Variants in BCAN observed in about 807,000 individuals in gnomAD.
BCAN encodes the protein brevican core protein.
In BCAN, 51 loss-of-function variants were observed where a neutral mutation model predicts 92.4. The ratio of observed to expected loss-of-function variants is 0.55; its 90% CI spans 0.44 to 0.70. BCAN has a LOEUF of 0.70. Among genes scored for constraint, BCAN ranks in the 30% least tolerant of loss-of-function variants. BCAN has a pLI of 0.00. For missense variants in BCAN, 1,140 were observed against 1,212.1 expected (o/e 0.94, Z 0.88); for synonymous variants, 501 against 505.2 (o/e 0.99, Z 0.11).
intron 1 of BCAN, chr1:156,643,682 C>T (rs561389947): frequency 7.8e-6 from 1 of 128,990 alleles, no homozygotes; most frequent in Non-Finnish European, 1.8e-5. Context: ...GGTCTTAACT[C>T]TCTGGGTTGG....
chr1:156,646,193 A>G (rs371052331), intron 2 of BCAN, 48 bp downstream of exon 2: 2 of 1,561,630 alleles, frequency 1.3e-6, no homozygotes, highest in Middle Eastern at 1.7e-4. Flanking sequence ...TTCAGCCCTA[A>G]CCAACTGCTT....
At chr1:156,654,926 A>G (rs1446104536) in intron 8 of BCAN, among the ~76,000 whole-genome samples, 1 of 152,244 alleles carries the variant, frequency 6.6e-6, no homozygotes, top group Non-Finnish European at 1.5e-5. Flanking sequence ...CAAAACAGCT[A>G]GGTCATCCCA....
intron 8 of BCAN, chr1:156,653,174 T>C (rs1238664256): frequency 7.2e-6 from 10 of 1,385,096 alleles, no homozygotes; most frequent in Non-Finnish European, 9.3e-6. Flanking sequence ...GGCTCACATC[T>C]CGCCAGCCCC....
chr1:156,656,490 T>G (rs371049026), intron 9 of BCAN, 101 bp downstream of exon 9: 2 of 928,808 alleles, frequency 2.2e-6, no homozygotes, highest in Non-Finnish European at 3.0e-6. Context: ...GCCTTGTCAT[T>G]AATGAGTCCC....
intron 2 of BCAN, chr1:156,646,463 T>C: frequency 2.0e-6 from 1 of 490,938 alleles, no homozygotes; most frequent in Non-Finnish European, 3.6e-6. Flanking sequence ...ACTGGGAAAC[T>C]GGGCTGGAGG....
rs748649009 is a variant in BCAN at position 156,647,833 on chromosome 1, C to G, written c.642-150C>G. 2 of 1,532,120 alleles carry G rather than the reference C, an allele frequency of 1.3e-6. No individual in the cohort carries two copies. Among genetic ancestry groups the G allele is most frequent in the East Asian group, 2.3e-5 (1 of 44,292 alleles). The allele number at this position is 1,532,120 out of a possible 1,614,324, so 94.9% of individuals were successfully genotyped here. On this transcript the variant is annotated intron_variant, in intron 4 of 13. Coordinates refer to ENST00000329117, the MANE Select transcript of BCAN (RefSeq NM_021948.5). This position sits in a 1 kb window ranked among gnomAD's most constrained non-coding sequence, Gnocchi z 4.8. ...TGGTCTGAGGAGGGGAGGTGAGGAC[C>G]CTGAGCATGTGCATCCCTGCAGTGC...
In BCAN at chr1:156,646,037, C is replaced by T. The variant is rs764133638; in HGVS notation, c.-8-10C>T. ...TAACCCCATCTTTCCTTCTCATGTC[C>T]CTCTGTCAGCCTGCAGCATGGCCCA... is the stretch of plus-strand genomic sequence containing the variant. On this transcript the variant is annotated splice_polypyrimidine_tract_variant and intron_variant, in intron 1 of 13. Coordinates refer to ENST00000329117, the MANE Select transcript of BCAN (RefSeq NM_021948.5). 1.9e-6 allele frequency: 3 copies of T among 1,604,450 alleles called. No homozygotes were observed. The highest frequency in any genetic ancestry group is 1.1e-5 in the South Asian group (1 of 90,680).
In BCAN at chr1:156,656,960, C is replaced by T; in HGVS notation, c.2073C>T (p.Gly691=). The T allele has an allele frequency of 6.2e-7, 1 of 1,614,018 alleles. No homozygotes were observed. Residue 691 remains glycine (G), a synonymous_variant, in exon 10 of 14, where the codon GGC becomes GGT. Transcript: ENST00000329117. ...CAGGCCTCCGCTTCTGCAACCCCGG[C>T]TGGGACGCCTTCCAGGGCGCCTGCT... ...CDVGLRFCNP[G]WDAFQGACYK...
At position 156,647,420 on chromosome 1, in the gene BCAN, C is replaced by T. The variant is rs756059041; in HGVS notation, c.467-88C>T. ...GTGAGCACAATTGAACTTTATTTAC[C>T]CTTGTGTACAGAGGAGTGACAAGGA... On this transcript the variant is annotated intron_variant, in intron 3 of 13. Transcript: ENST00000329117. This position sits in a 1 kb window ranked among gnomAD's most constrained non-coding sequence, Gnocchi z 4.8. The T allele has an allele frequency of 1.5e-5, 20 of 1,354,322 alleles. No homozygotes were observed. The highest frequency in any genetic ancestry group is 4.7e-5 in the Admixed American group (2 of 42,232). 83.9% of individuals were successfully genotyped at this position (1,354,322 alleles called of 1,614,324 possible).
rs1388253172 is a variant in BCAN, at chr1:156,651,404, G to A, written c.1064-52G>A. On this transcript the variant is annotated intron_variant, in intron 6 of 13. Coordinates refer to ENST00000329117, the MANE Select transcript of BCAN (RefSeq NM_021948.5). ...TTCCATGGTGCAAGCTGTGACCTGG[G>A]AGGGCAGAGCTACCTATTCAGGCTC... 2.3e-5 allele frequency: 34 copies of A among 1,468,502 alleles called. 1 individual carries two copies. The Middle Eastern group carries it at 2.6e-3, about 114-fold the overall frequency. The allele number at this position is 1,468,502 out of a possible 1,614,324, so 91.0% of individuals were successfully genotyped here. A position where few individuals can be genotyped will look rare whatever the true frequency, so the allele number is the denominator to read the frequency against.
rs374138740 is a variant in BCAN at position 156,647,884 on chromosome 1, G to C, written c.642-99G>C. 30 of 1,574,916 alleles carry C rather than the reference G, an allele frequency of 1.9e-5. No homozygotes were observed. The African/African-American group carries it at 3.5e-4, about 18-fold the overall frequency. On this transcript the variant is annotated intron_variant, in intron 4 of 13. Transcript: ENST00000329117. The surrounding 1 kb of genome is among the most constrained non-coding windows in gnomAD (Gnocchi z 4.8). ...TAGAAGGACAGCCAGCTGTCAGCAA[G>C]TGTCTGCACTGTGGTGGCAGTGGGG...
rs1300043967 is a variant in BCAN at position 156,647,572 on chromosome 1, G to A, written c.531G>A (p.Glu177=). The part of the protein sequence containing the change: ...RYAFSFSGAQ[E]ACARIGAHIA... ...CTTTCTCCTTTTCTGGGGCCCAGGA[G>A]GCCTGTGCCCGCATTGGAGCCCACA... The change falls in exon 4 of 14, where the codon GAG becomes GAA. Residue 177 remains glutamate, a synonymous_variant. Transcript: ENST00000329117. The surrounding 1 kb of genome is among the most constrained non-coding windows in gnomAD (Gnocchi z 4.8). The A allele has an allele frequency of 6.2e-7, 1 of 1,612,324 alleles. No homozygotes were observed. Among genetic ancestry groups the A allele is most frequent in the East Asian group, 2.2e-5 (1 of 44,862 alleles).
In BCAN at chr1:156,642,963, A is replaced by G. The variant is rs1424184359; in HGVS notation, c.-9+688A>G. 6.6e-6 allele frequency: 1 copy of G among 152,204 alleles called. No homozygotes were observed. The highest frequency in any genetic ancestry group is 1.5e-5 in the Non-Finnish European group (1 of 68,032). 9.4% of individuals were successfully genotyped at this position (152,204 alleles called of 1,614,324 possible). A position where few individuals can be genotyped will look rare whatever the true frequency, so the allele number is the denominator to read the frequency against. On this transcript the variant is annotated intron_variant, in intron 1 of 13. Transcript: ENST00000329117. The surrounding 1 kb of genome is among the most constrained non-coding windows in gnomAD (Gnocchi z 4.2). ...AACTATTAGCTGGAATTCGGTTACCACTATTGCATTCCTTCCTAGCACTGC... is the reference window on the plus strand; with the variant it reads ...AACTATTAGCTGGAATTCGGTTACCGCTATTGCATTCCTTCCTAGCACTGC...
At position 156,656,403 on chromosome 1, in the gene BCAN, G is replaced by A; in HGVS notation, c.2050+14G>A. ...TGTGCGATGTTGGTGAGTGTTGAGG[G>A]ACGGGGGGCAGGTTTGAAGCCTGGA... On this transcript the variant is annotated intron_variant, in intron 9 of 13. Coordinates refer to ENST00000329117, the MANE Select transcript of BCAN (RefSeq NM_021948.5). The A allele has an allele frequency of 7.5e-7, 1 of 1,341,900 alleles. No individual in the cohort carries two copies. Among genetic ancestry groups the A allele is most frequent in the Non-Finnish European group, 9.6e-7 (1 of 1,036,482 alleles). The allele number at this position is 1,341,900 out of a possible 1,614,324, so 83.1% of individuals were successfully genotyped here. A position where few individuals can be genotyped will look rare whatever the true frequency, so the allele number is the denominator to read the frequency against.
Position 156,659,480 on chromosome 1 carries a change from AG to A in BCAN, c.*347del, listed in dbSNP as rs1679457471. ...CCAAGGGAATGGGCTTGCAGGATGG[AG>A]TGTCTGTAAAATCAACAGGAAATAA... On this transcript the variant is annotated 3_prime_UTR_variant, in exon 14 of 14. Coordinates refer to ENST00000329117, the MANE Select transcript of BCAN (RefSeq NM_021948.5). 3.6e-6 allele frequency: 1 copy of A among 275,550 alleles called. No homozygotes were observed. The highest frequency in any genetic ancestry group is 2.2e-5 in the African/African-American group (1 of 44,922). 17.1% of individuals were successfully genotyped at this position (275,550 alleles called of 1,614,324 possible).
At chr1:156,648,414 A>G (rs772077131) in intron 5 of BCAN, among the ~76,000 whole-genome samples, 154 bp from the exon 6 acceptor site, 9 of 152,136 alleles carry the variant, frequency 5.9e-5, no homozygotes, top group Non-Finnish European at 8.8e-5. Flanking sequence ...ATCCATCTTG[A>G]GGTTCTATTC....
chr1:156,659,047 G>A lies in BCAN; in HGVS notation c.2649G>A (p.Glu883=). 6.2e-7 allele frequency: 1 copy of A among 1,601,722 alleles called. No individual in the cohort carries two copies. Among genetic ancestry groups the A allele is most frequent in the Non-Finnish European group, 8.5e-7 (1 of 1,175,530 alleles). The stretch of plus-strand genomic sequence containing the variant: ...CCCAGGCCCGAGCTCTGCACCCAGA[G>A]GAGGACCCAGAAGGACGTCAGGGGA... The part of the protein sequence containing the change: ...PRRPARALHP[E]EDPEGRQGRL... The change falls in exon 14 of 14, where the codon GAG becomes GAA. Residue 883 remains glutamate (E), a synonymous_variant. Transcript: ENST00000329117.
In BCAN at chr1:156,647,495, C is replaced by T. The variant is rs1679023060; in HGVS notation, c.467-13C>T. The T allele has an allele frequency of 1.9e-6, 3 of 1,542,364 alleles. No homozygotes were observed. The highest frequency in any genetic ancestry group is 1.7e-6 in the Non-Finnish European group (2 of 1,146,478). On this transcript the variant is annotated splice_polypyrimidine_tract_variant and intron_variant, in intron 3 of 13. Coordinates refer to ENST00000329117, the MANE Select transcript of BCAN (RefSeq NM_021948.5). This position sits in a 1 kb window ranked among gnomAD's most constrained non-coding sequence, Gnocchi z 4.8. ...GGTGCTCACCTGGCTCAGGGGTCCT[C>T]TCTGCCCCACAGGGGTCGTCTTTCT...
In BCAN at chr1:156,647,631, T is replaced by G; in HGVS notation, c.590T>G (p.Leu197Arg). ...ATPEQLYAAY[L>R]GGYEQCDAGW... ...CCGGAGCAGCTCTATGCCGCCTACC[T>G]TGGGGGCTATGAGCAATGTGATGCT... The change falls in exon 4 of 14, where the codon CTT becomes CGT. Residue 197 changes from leucine (L) to arginine (R), a missense_variant. Transcript: ENST00000329117. The surrounding 1 kb of genome is among the most constrained non-coding windows in gnomAD (Gnocchi z 4.8). The G allele has an allele frequency of 6.2e-7, 1 of 1,611,656 alleles. No individual in the cohort carries two copies. The highest frequency in any genetic ancestry group is 8.5e-7 in the Non-Finnish European group (1 of 1,178,836).
Sources: allele counts gnomAD v4.1 joint callset (sites outside exome capture counted in the v4.1 genomes callset), GRCh38; gene constraint gnomAD v4.1.1; non-coding constraint Gnocchi (gnomAD v3.1); transcripts MANE v1.5; gene names NCBI Gene and HGNC (gene_info 2026-07-23, HGNC 2026-07-21).